The following FSTL4 variants were observed in gnomAD, a reference collection of about 807,000 sequenced individuals.
FSTL4 encodes follistatin like 4.
Under a neutral mutation model 78.2 loss-of-function variants are expected in FSTL4, and 28 were observed. That is an observed-to-expected ratio of 0.36 (90% CI 0.27 to 0.49). The LOEUF (loss-of-function observed/expected upper bound fraction) is 0.49, where lower values mean the gene tolerates loss of function less well. FSTL4 is among the 20% of genes least tolerant of loss of function. The pLI is 0.98. For synonymous variants in FSTL4, 422 were observed against 440.5 expected, an observed-to-expected ratio of 0.96 and a Z score of 0.53; for missense variants, 922 against 1,084.9, an observed-to-expected ratio of 0.85 and a Z score of 2.11.
the FSTL4 span, among the ~76,000 whole-genome samples, chr5:133,766,819 TAGAG>T: frequency 6.6e-6 from 1 of 152,186 alleles, no homozygotes; most frequent in Non-Finnish European, 1.5e-5. Context: ...CAATATAATG[TAGAG>T]AAGAGAACCA....
the FSTL4 span, among the ~76,000 whole-genome samples, chr5:133,738,888 A>T: frequency 6.6e-6 from 1 of 151,896 alleles, no homozygotes; most frequent in Non-Finnish European, 1.5e-5. Context: ...GGCCCCACAG[A>T]CCTAACCCAC....
chr5:133,290,307 C>T (rs1404040141), intron 6 of FSTL4, among the ~76,000 whole-genome samples: 1 of 152,240 alleles, frequency 6.6e-6, no homozygotes, highest in African/African-American at 2.4e-5. Context: ...AGAGGGCACT[C>T]GCAATGCCTG....
intron 3 of FSTL4, among the ~76,000 whole-genome samples, chr5:133,493,375 A>G (rs1439707169): frequency 1.3e-5 from 2 of 152,040 alleles, no homozygotes; most frequent in Non-Finnish European, 2.9e-5. Context: ...CTGATCTGGG[A>G]CCTATCTTTA....
chr5:133,262,468 C>T (rs1306139392), intron 6 of FSTL4, among the ~76,000 whole-genome samples: 1 of 152,200 alleles, frequency 6.6e-6, no homozygotes, highest in Non-Finnish European at 1.5e-5. Context: ...TACATGCATG[C>T]TTGTTCAATA....
At chr5:133,368,765 C>T (rs918327316) in intron 4 of FSTL4, among the ~76,000 whole-genome samples, 1 of 152,210 alleles carries the variant, frequency 6.6e-6, no homozygotes, top group Non-Finnish European at 1.5e-5. Flanking sequence ...CCATGGGCAG[C>T]TGTGCCCTTG....
At chr5:133,820,810 A>T in the FSTL4 span, among the ~76,000 whole-genome samples, 8 of 152,242 alleles carry the variant, frequency 5.3e-5, no homozygotes, top group Non-Finnish European at 7.3e-5. Flanking sequence ...GAACCAAGAC[A>T]TGTAATATCT....
chr5:133,240,225 T>G (rs377684418), intron 7 of FSTL4, among the ~76,000 whole-genome samples: 1 of 152,162 alleles, frequency 6.6e-6, no homozygotes, highest in Non-Finnish European at 1.5e-5. Context: ...CTTTAAGAAC[T>G]GTGACACTCA....
In FSTL4 at chr5:133,506,736, G is replaced by A. The variant is rs191188678; in HGVS notation, c.160+60450C>T. 2.0e-3 allele frequency among the ~76,000 whole-genome samples: 312 copies of A among 152,310 alleles called. 4 individuals are homozygous for A. Among genetic ancestry groups the A allele is most frequent in the Admixed American group, 0.018 (273 of 15,290 alleles). On this transcript the variant is annotated intron_variant, in intron 3 of 15. Coordinates refer to ENST00000265342, the MANE Select transcript of FSTL4 (RefSeq NM_015082.2). ...AAGTGAGAATTAGGTTGAAAACAAAGTTGTCTAAGCATCCATCTTGGCTCT... is the reference window on the plus strand; with the variant it reads ...AAGTGAGAATTAGGTTGAAAACAAAATTGTCTAAGCATCCATCTTGGCTCT...
chr5:133,831,903 C>CT, the FSTL4 span, among the ~76,000 whole-genome samples: 1 of 152,294 alleles, frequency 6.6e-6, no homozygotes, highest in South Asian at 2.1e-4. Flanking sequence ...GTCCAAGGGT[C>CT]AGAAAGTGGC....
At chr5:133,686,777 G>A in the FSTL4 span, among the ~76,000 whole-genome samples, 30 of 152,248 alleles carry the variant, frequency 2.0e-4, no homozygotes, top group African/African-American at 7.2e-4. Flanking sequence ...TTTCATTGAT[G>A]TTTACTCTGA....
intron 6 of FSTL4, among the ~76,000 whole-genome samples, chr5:133,292,131 C>T (rs1753277820): frequency 6.6e-6 from 1 of 152,120 alleles, no homozygotes; most frequent in African/African-American, 2.4e-5. Context: ...TGGGGTCGTG[C>T]TGCCCTGGTA....
intron 6 of FSTL4, among the ~76,000 whole-genome samples, chr5:133,299,591 T>C (rs1290658879): frequency 6.6e-6 from 1 of 152,166 alleles, no homozygotes; most frequent in Non-Finnish European, 1.5e-5. Context: ...GCCCAGGCCT[T>C]TATTGTTAAT....
At chr5:133,627,151 CTTTTTTTTTTTT>C in the FSTL4 span, among the ~76,000 whole-genome samples, 1 of 93,020 alleles carries the variant, frequency 1.1e-5, no homozygotes. Context: ...CTCTGTGTCT[CTTTTTTTTTTTT>C]TTTTTTTTTG....
intron 4 of FSTL4, among the ~76,000 whole-genome samples, chr5:133,370,704 G>C (rs1157530648): frequency 6.6e-6 from 1 of 152,144 alleles, no homozygotes; most frequent in African/African-American, 2.4e-5. Context: ...AGGCGGTGCT[G>C]TGGGAAGTGG....
chr5:133,245,648 C>T (rs1018666358), intron 7 of FSTL4, among the ~76,000 whole-genome samples: 5 of 152,268 alleles, frequency 3.3e-5, no homozygotes, highest in Non-Finnish European at 7.4e-5. Flanking sequence ...TACTCTGGTA[C>T]GGAGCTTGTG....
chr5:133,718,004 C>A, the FSTL4 span, among the ~76,000 whole-genome samples: 1 of 152,164 alleles, frequency 6.6e-6, no homozygotes, highest in Non-Finnish European at 1.5e-5. Context: ...GTGGACATAT[C>A]ATTGTACATT....
At chr5:133,489,837 G>A (rs1325910304) in intron 3 of FSTL4, among the ~76,000 whole-genome samples, 1 of 152,190 alleles carries the variant, frequency 6.6e-6, no homozygotes, top group African/African-American at 2.4e-5. Context: ...AGATGCCCAT[G>A]AACATTAGTG....
chr5:133,258,265 C>A (rs1305812317), intron 6 of FSTL4, among the ~76,000 whole-genome samples: 1 of 152,188 alleles, frequency 6.6e-6, no homozygotes, highest in Non-Finnish European at 1.5e-5. Context: ...GACTGGGCCA[C>A]AAGGCACCCA....
intron 3 of FSTL4, among the ~76,000 whole-genome samples, chr5:133,477,419 T>G (rs927643055): frequency 1.3e-5 from 2 of 152,244 alleles, no homozygotes; most frequent in Non-Finnish European, 2.9e-5. Context: ...GGCATTTACT[T>G]TAGGCCTGCT....
Sources: allele counts gnomAD v4.1 joint callset (sites outside exome capture counted in the v4.1 genomes callset), GRCh38; gene constraint gnomAD v4.1.1; transcripts MANE v1.5; gene names NCBI Gene and HGNC (gene_info 2026-07-23, HGNC 2026-07-21).